The following ICE2 variants were observed in gnomAD, a reference collection of about 807,000 sequenced individuals.
ICE2 encodes little elongation complex subunit 2.
A neutral mutation model predicts 105.4 loss-of-function variants in ICE2; 87 were observed. That is an observed-to-expected ratio of 0.83 (90% CI 0.69 to 0.99). The LOEUF is 0.99. Among genes scored for constraint, ICE2 ranks in the 50% least tolerant of loss-of-function variants. The pLI is 0.00. For missense variants in ICE2, 1,323 were observed against 1,146.7 expected, an observed-to-expected ratio of 1.15 and a Z score of -2.22; for synonymous variants, 399 against 392.0, an observed-to-expected ratio of 1.02 and a Z score of -0.21.
chr15:60,427,519 C>T (rs1259012864), intron 15 of ICE2, among the ~76,000 whole-genome samples: 2 of 152,156 alleles, frequency 1.3e-5, no homozygotes, highest in Admixed American at 6.5e-5. Flanking sequence ...CTCCCAAGTT[C>T]AAGCGATTCT....
rs1460050115 is a variant in ICE2 at position 60,446,392 on chromosome 15, G to T, written c.2295+1578C>A. Among the ~76,000 whole-genome samples, 5 of 152,140 alleles carry T rather than the reference G, an allele frequency of 3.3e-5. No homozygotes were observed. In the South Asian group the frequency reaches 8.3e-4, roughly 25 times the overall value. On this transcript the variant is annotated intron_variant, in intron 11 of 15. Transcript: ENST00000261520. ...TGTTATTAGCAATGTGGAAAAGTTG[G>T]CACTTTTTAAAAATTTTTTTTGAGA...
chr15:60,419,789 T>A lies in ICE2; in HGVS notation c.*3845A>T, dbSNP rs1566961093. 1 of 152,246 alleles carries A rather than the reference T, an allele frequency of 6.6e-6. No homozygotes were observed. Among genetic ancestry groups the A allele is most frequent in the Non-Finnish European group, 1.5e-5 (1 of 68,044 alleles). The allele number at this position is 152,246 out of a possible 1,614,324, so 9.4% of individuals were successfully genotyped here. On this transcript the variant is annotated 3_prime_UTR_variant, in exon 16 of 16. Coordinates refer to ENST00000261520, the MANE Select transcript of ICE2 (RefSeq NM_024611.6). ...AAAACGTCTTAACATCTTTACAACA[T>A]GCCCATTAGGAACTACAGATGCAGT...
At chr15:60,442,942 T>C (rs2063750007) in intron 11 of ICE2, 1 of 154,230 alleles carries the variant, frequency 6.5e-6, no homozygotes, top group Admixed American at 6.5e-5. Flanking sequence ...CTAGTCATTT[T>C]CAAGAGGATA....
At chr15:60,434,431 C>G (rs2063534360) in intron 13 of ICE2, among the ~76,000 whole-genome samples, 1 of 151,866 alleles carries the variant, frequency 6.6e-6, no homozygotes, top group Non-Finnish European at 1.5e-5. Context: ...GTGCCACTGG[C>G]ATTATATTTA....
intron 10 of ICE2, 36 bp downstream of exon 10, chr15:60,448,812 T>A: frequency 6.6e-7 from 1 of 1,525,114 alleles, no homozygotes; most frequent in African/African-American, 1.4e-5. Context: ...AAAGAACAAG[T>A]AAAACACTGT....
At chr15:60,454,627 A>G (rs1429037537) in intron 8 of ICE2, 1 of 160,234 alleles carries the variant, frequency 6.2e-6, no homozygotes, top group Non-Finnish European at 1.4e-5. Flanking sequence ...CAGTACTTTG[A>G]TATCTGACAA....
At position 60,455,434 on chromosome 15, in the gene ICE2, T is replaced by A. The variant is rs764929006; in HGVS notation, c.675A>T (p.Val225=). The change falls in exon 7 of 16, where the codon GTA becomes GTT. Residue 225 remains valine (V), a synonymous_variant. Transcript: ENST00000261520. ...AGGGAAATACTGTTTTCACATATTT[T>A]ACACTGCCCTAAATATGAAAAAAAA... ...LEKTLLALGS[V]KYVKTVFPSM... 2 of 1,602,826 alleles carry A rather than the reference T, an allele frequency of 1.2e-6. No homozygotes were observed. Among genetic ancestry groups the A allele is most frequent in the South Asian group, 2.2e-5 (2 of 90,504 alleles).
In ICE2 at chr15:60,449,361, G is replaced by A; in HGVS notation, c.1606C>T (p.His536Tyr). 1 of 1,613,108 alleles carries A rather than the reference G, an allele frequency of 6.2e-7. No homozygotes were observed. The highest frequency in any genetic ancestry group is 8.5e-7 in the Non-Finnish European group (1 of 1,179,684). The change falls in exon 10 of 16, where the codon CAT becomes TAT. Residue 536 changes from histidine (H) to tyrosine (Y), a missense_variant. By Grantham distance (83) the His-to-Tyr change is moderately conservative. Transcript: ENST00000261520. ...NKNDMTIDIL[H>Y]ADGERPNVLE... ...ACATTAGGTCTTTCACCATCAGCAT[G>A]TAATATATCTATAGTCATATCATTT...
intron 13 of ICE2, among the ~76,000 whole-genome samples, chr15:60,434,830 C>T (rs2063546830): frequency 1.3e-5 from 2 of 152,120 alleles, no homozygotes; most frequent in African/African-American, 4.8e-5. Context: ...TATTCAATAC[C>T]ATAGTAGAGA....
At chr15:60,436,742 A>T (rs1014516904) in intron 12 of ICE2, among the ~76,000 whole-genome samples, 3 of 148,278 alleles carry the variant, frequency 2.0e-5, no homozygotes, top group Non-Finnish European at 4.5e-5. Flanking sequence ...AAAAAAAAAG[A>T]AAGTTACATT....
At chr15:60,472,146 C>T (rs59800468) in intron 3 of ICE2, among the ~76,000 whole-genome samples, 3,498 of 151,732 alleles carry the variant, frequency 0.023, 153 homozygotes, top group African/African-American at 0.081. Flanking sequence ...GGGGGACTTT[C>T]CAAATATTCT....
In ICE2 at chr15:60,428,602, T is replaced by G. The variant is rs1226189522; in HGVS notation, c.2647A>C (p.Arg883=). 4 of 1,614,130 alleles carry G rather than the reference T, an allele frequency of 2.5e-6. No individual in the cohort carries two copies. Among genetic ancestry groups the G allele is most frequent in the Middle Eastern group, 3.3e-4 (2 of 6,062 alleles). Reference sequence around the variant, plus strand: ...GTTTTATACAAATTGTATGCTGTCCTAGTAACTTTTCCATCAGAGGCCTTA... The same window carrying G: ...GTTTTATACAAATTGTATGCTGTCCGAGTAACTTTTCCATCAGAGGCCTTA... ...IYKASDGKVT[R]TAYNLYKTHC... The change falls in exon 15 of 16, where the codon AGG becomes CGG. Residue 883 remains arginine, a synonymous_variant. Transcript: ENST00000261520.
intron 9 of ICE2, chr15:60,452,365 C>G (rs900782435): frequency 1.7e-6 from 1 of 605,782 alleles, no homozygotes; most frequent in Non-Finnish European, 2.1e-6. Flanking sequence ...AGTCTCTGTC[C>G]ACATTTCCTA....
Position 60,422,300 on chromosome 15 carries a change from C to T in ICE2, c.*1334G>A, listed in dbSNP as rs1414414121. ...GGCACACCCCACCACACCCGGCTAA[C>T]TTTTTTATTTGTAGAGATGAGGTCT... On this transcript the variant is annotated 3_prime_UTR_variant, in exon 16 of 16. Transcript: ENST00000261520. The T allele has an allele frequency of 6.6e-6, 1 of 151,812 alleles. No homozygotes were observed. The highest frequency in any genetic ancestry group is 1.5e-5 in the Non-Finnish European group (1 of 67,984). 9.4% of individuals were successfully genotyped at this position (151,812 alleles called of 1,614,324 possible).
Position 60,430,555 on chromosome 15 carries a change from T to C in ICE2, c.2561+1379A>G, listed in dbSNP as rs535860147. 2.6e-5 allele frequency among the ~76,000 whole-genome samples: 4 copies of C among 152,318 alleles called. No individual in the cohort carries two copies. In the South Asian group the frequency reaches 8.3e-4, roughly 32 times the overall value. ...AAATTTCATGCATAAGCTTTGTATATAGCATGAAGAACAGAATATATAAAA... is the reference window on the plus strand; with the variant it reads ...AAATTTCATGCATAAGCTTTGTATACAGCATGAAGAACAGAATATATAAAA... On this transcript the variant is annotated intron_variant, in intron 14 of 15. Transcript: ENST00000261520.
At chr15:60,464,353 CT>C (rs11302560) in intron 5 of ICE2, among the ~76,000 whole-genome samples, 100,290 of 151,888 alleles carry the variant, frequency 0.66, 34,454 homozygotes, top group East Asian at 0.93. Flanking sequence ...TAAAACAGCA[CT>C]TACAAAAAGG....
intron 5 of ICE2, among the ~76,000 whole-genome samples, chr15:60,463,138 T>C (rs1227153345): frequency 6.6e-6 from 1 of 152,204 alleles, no homozygotes; most frequent in African/African-American, 2.4e-5. Context: ...ACTATGATAT[T>C]TGGTAGATGA....
In ICE2 at chr15:60,456,656, C is replaced by A. The variant is rs1485772248; in HGVS notation, c.666+1G>T. The A allele has an allele frequency of 9.6e-6, 15 of 1,561,294 alleles. No individual in the cohort carries two copies. Among genetic ancestry groups the A allele is most frequent in the Non-Finnish European group, 1.3e-5 (15 of 1,154,148 alleles). On this transcript the variant is annotated splice_donor_variant, in intron 6 of 15. Coordinates refer to ENST00000261520, the MANE Select transcript of ICE2 (RefSeq NM_024611.6). LOFTEE classifies it high-confidence loss of function. ...TTATATCGTCTGATAATAAACCTTA[C>A]CAATGCGAGAAGAGTTTTTTCTAAC...
chr15:60,471,416 C>G (rs930395962), intron 3 of ICE2, among the ~76,000 whole-genome samples: 13 of 152,226 alleles, frequency 8.5e-5, no homozygotes, highest in Admixed American at 5.9e-4. Flanking sequence ...TGTGTCTTCA[C>G]TCTTAACAGT....
Sources: allele counts gnomAD v4.1 joint callset (sites outside exome capture counted in the v4.1 genomes callset), GRCh38; gene constraint gnomAD v4.1.1; transcripts MANE v1.5; gene names NCBI Gene and HGNC (gene_info 2026-07-23, HGNC 2026-07-21).